NELL2: variants seen among roughly 807,000 people sequenced by gnomAD.
NELL2 encodes neural EGFL like 2, also known as protein kinase C-binding protein NELL2.
In NELL2, 41 loss-of-function variants were observed where a neutral mutation model predicts 109.6. The observed-to-expected ratio is 0.37, with a 90% CI of 0.29 to 0.49. The LOEUF is 0.49. NELL2 is among the 20% of genes least tolerant of loss of function. The pLI is 0.98. For synonymous variants in NELL2, 355 were observed against 344.7 expected (o/e 1.03, Z -0.33); for missense variants, 900 against 1,008.3 (o/e 0.89, Z 1.45).
At chr12:44,601,216 T>G (rs1945207412) in intron 15 of NELL2, among the ~76,000 whole-genome samples, 1 of 152,092 alleles carries the variant, frequency 6.6e-6, no homozygotes, top group Admixed American at 6.5e-5. Context: ...AGGTAGGCCT[T>G]ACAACAAAAG....
At chr12:44,739,801 G>C (rs971441307) in intron 9 of NELL2, among the ~76,000 whole-genome samples, 1 of 152,110 alleles carries the variant, frequency 6.6e-6, no homozygotes, top group Non-Finnish European at 1.5e-5. Flanking sequence ...TGAGGCAGGA[G>C]AATCCCTTGA....
chr12:44,720,615 T>C (rs752218857), intron 9 of NELL2, among the ~76,000 whole-genome samples: 5 of 152,180 alleles, frequency 3.3e-5, no homozygotes, highest in Non-Finnish European at 7.4e-5. Context: ...GACAATGTAA[T>C]GACAAAACTT....
intron 3 of NELL2, among the ~76,000 whole-genome samples, chr12:44,804,964 A>G (rs1942951691): frequency 6.6e-6 from 1 of 151,926 alleles, no homozygotes; most frequent in African/African-American, 2.4e-5. Flanking sequence ...TTCTAGTAAT[A>G]CGTCAACTTA....
chr12:44,776,605 T>C (rs1220208511), intron 7 of NELL2, among the ~76,000 whole-genome samples: 2 of 152,174 alleles, frequency 1.3e-5, no homozygotes, highest in African/African-American at 4.8e-5. Context: ...AAATTGTAGG[T>C]AAACCTGACA....
chr12:44,798,301 G>A (rs774101967), intron 3 of NELL2, among the ~76,000 whole-genome samples: 7 of 151,760 alleles, frequency 4.6e-5, no homozygotes, highest in Non-Finnish European at 1.0e-4. Flanking sequence ...ACATGACTAT[G>A]TGCATAGAAA....
intron 18 of NELL2, among the ~76,000 whole-genome samples, chr12:44,521,456 G>T (rs1186275774): frequency 1.3e-5 from 2 of 150,474 alleles, no homozygotes; most frequent in Admixed American, 1.3e-4. Flanking sequence ...CGTGAACCCG[G>T]GAGGCGGAGC....
intron 1 of NELL2, among the ~76,000 whole-genome samples, chr12:44,912,360 G>A (rs1347964137): frequency 6.6e-6 from 1 of 151,998 alleles, no homozygotes; most frequent in African/African-American, 2.4e-5. Flanking sequence ...GAAAAAGGAG[G>A]CATCTCTGAT....
intron 13 of NELL2, among the ~76,000 whole-genome samples, chr12:44,615,273 T>C (rs1241298878): frequency 6.6e-6 from 1 of 151,996 alleles, no homozygotes; most frequent in Non-Finnish European, 1.5e-5. Context: ...AGATTCCCAA[T>C]TAAAAACACC....
At chr12:44,661,023 G>A (rs1366591186) in intron 13 of NELL2, among the ~76,000 whole-genome samples, 1 of 152,166 alleles carries the variant, frequency 6.6e-6, no homozygotes, top group Non-Finnish European at 1.5e-5. Context: ...TTAACTGAAT[G>A]CAGATGCCAG....
intron 2 of NELL2, among the ~76,000 whole-genome samples, chr12:44,820,667 C>G (rs894828933): frequency 6.6e-5 from 10 of 150,822 alleles, no homozygotes; most frequent in African/African-American, 2.4e-4. Context: ...TAATAAATCA[C>G]AAGCAAAAGG....
intron 15 of NELL2, among the ~76,000 whole-genome samples, chr12:44,571,085 A>G (rs1943854315): frequency 6.6e-6 from 1 of 152,206 alleles, no homozygotes. Context: ...AAAGGCAGGT[A>G]GAATCTTATA....
intron 9 of NELL2, among the ~76,000 whole-genome samples, chr12:44,743,677 C>G (rs1940145983): frequency 6.6e-6 from 1 of 152,054 alleles, no homozygotes. Context: ...AGACTTTAAA[C>G]CAACAAAGAT....
At chr12:44,748,119 T>G (rs1940479959) in intron 9 of NELL2, among the ~76,000 whole-genome samples, 1 of 152,164 alleles carries the variant, frequency 6.6e-6, no homozygotes, top group Non-Finnish European at 1.5e-5. Flanking sequence ...TAGCTGCACT[T>G]AGTGCCTGCA....
At chr12:44,621,200 TA>T (rs1343514984) in intron 13 of NELL2, among the ~76,000 whole-genome samples, 1 of 152,158 alleles carries the variant, frequency 6.6e-6, no homozygotes, top group Non-Finnish European at 1.5e-5. Flanking sequence ...TTTCTTTGCT[TA>T]ACTCTTCTAC....
chr12:44,865,630 A>T (rs1326648955), intron 2 of NELL2, among the ~76,000 whole-genome samples: 4 of 91,012 alleles, frequency 4.4e-5, no homozygotes, highest in African/African-American at 1.7e-4. Flanking sequence ...ACATGTACAC[A>T]AGAAGGGGAA....
intron 13 of NELL2, among the ~76,000 whole-genome samples, chr12:44,655,997 CA>C (rs1947485145): frequency 6.6e-6 from 1 of 152,122 alleles, no homozygotes; most frequent in Admixed American, 6.6e-5. Context: ...CACAAAAATG[CA>C]AAAGTCATTT....
intron 12 of NELL2, among the ~76,000 whole-genome samples, chr12:44,697,201 T>C (rs549581736): frequency 2.7e-4 from 41 of 152,286 alleles, no homozygotes; most frequent in African/African-American, 9.4e-4. Context: ...TACATACATT[T>C]AAGAACCACT....
intron 2 of NELL2, among the ~76,000 whole-genome samples, chr12:44,866,465 G>C (rs1366369280): frequency 6.6e-6 from 1 of 152,026 alleles, no homozygotes; most frequent in East Asian, 1.9e-4. Flanking sequence ...AAAACATAAA[G>C]GATGCAGCAA....
upstream of NELL2, chr12:44,876,864 G>T: frequency 6.9e-6 from 9 of 1,300,320 alleles, no homozygotes; most frequent in Non-Finnish European, 8.8e-6. Flanking sequence ...GGTGGGGACG[G>T]ATGGCGAGCC....
Sources: allele counts gnomAD v4.1 joint callset (sites outside exome capture counted in the v4.1 genomes callset), GRCh38; gene constraint gnomAD v4.1.1; transcripts MANE v1.5; gene names NCBI Gene and HGNC (gene_info 2026-07-23, HGNC 2026-07-21).